Variants in GFRA1 observed in about 807,000 individuals in gnomAD.
The protein encoded by GFRA1 is GDNF family receptor alpha 1, also known as GDNF family receptor alpha-1.
In GFRA1, 16 loss-of-function variants were observed where a neutral mutation model predicts 51.6. That is an observed-to-expected ratio of 0.31 (90% CI 0.21 to 0.47). The LOEUF is 0.47. Among genes scored for constraint, GFRA1 ranks in the 20% least tolerant of loss-of-function variants. The pLI is 1.00. For missense variants in GFRA1, 530 were observed against 594.3 expected, an observed-to-expected ratio of 0.89 and a Z score of 1.13; for synonymous variants, 270 against 241.3, an observed-to-expected ratio of 1.12 and a Z score of -1.10.
intron 6 of GFRA1, among the ~76,000 whole-genome samples, chr10:116,105,789 C>T (rs1589793149): frequency 6.6e-6 from 1 of 152,112 alleles, no homozygotes; most frequent in African/African-American, 2.4e-5. Flanking sequence ...TCATGATACC[C>T]CCAAATTAAA....
At chr10:116,104,761 G>A (rs1956946331) in intron 6 of GFRA1, among the ~76,000 whole-genome samples, 1 of 152,206 alleles carries the variant, frequency 6.6e-6, no homozygotes, top group Non-Finnish European at 1.5e-5. Flanking sequence ...TGACAGAGCA[G>A]TTGACAGGGC....
intron 4 of GFRA1, among the ~76,000 whole-genome samples, chr10:116,258,609 TC>T (rs1178476784): frequency 6.6e-6 from 1 of 152,020 alleles, no homozygotes; most frequent in African/African-American, 2.4e-5. Context: ...GGGCTATTTC[TC>T]CCATGCATGT....
intron 10 of GFRA1, among the ~76,000 whole-genome samples, chr10:116,064,925 G>A (rs1388499164): frequency 1.3e-5 from 2 of 152,158 alleles, no homozygotes; most frequent in South Asian, 2.1e-4. Flanking sequence ...CTCCCTGCAT[G>A]AGCCAGTTCA....
intron 9 of GFRA1, among the ~76,000 whole-genome samples, chr10:116,073,020 T>G (rs959208201): frequency 6.6e-6 from 1 of 152,196 alleles, no homozygotes; most frequent in Non-Finnish European, 1.5e-5. Context: ...TCACGCTAAT[T>G]GGGCCTGCGA....
intron 5 of GFRA1, among the ~76,000 whole-genome samples, chr10:116,132,738 T>C (rs193148683): frequency 2.1e-3 from 323 of 152,278 alleles, no homozygotes; most frequent in Middle Eastern, 0.01. Flanking sequence ...TGATCCTCTA[T>C]ATCTATTGAA....
At chr10:116,089,036 A>G (rs1956221781) in intron 9 of GFRA1, among the ~76,000 whole-genome samples, 2 of 152,212 alleles carry the variant, frequency 1.3e-5, no homozygotes, top group South Asian at 2.1e-4. Context: ...TCAATAAAAA[A>G]GCAGGATAAA....
At chr10:116,207,615 G>T (rs995092039) in intron 5 of GFRA1, among the ~76,000 whole-genome samples, 1 of 98,460 alleles carries the variant, frequency 1.0e-5, no homozygotes, top group African/African-American at 3.3e-5. Context: ...ATATATGATT[G>T]ATATATATAT....
intron 5 of GFRA1, among the ~76,000 whole-genome samples, chr10:116,187,123 T>C (rs928007976): frequency 6.6e-6 from 1 of 152,228 alleles, no homozygotes; most frequent in Non-Finnish European, 1.5e-5. Flanking sequence ...GACAGGGTTT[T>C]AAAGGCAACA....
intron 9 of GFRA1, among the ~76,000 whole-genome samples, chr10:116,075,367 C>A (rs1490260201): frequency 6.6e-6 from 1 of 152,140 alleles, no homozygotes; most frequent in African/African-American, 2.4e-5. Flanking sequence ...GGCACAGGCT[C>A]CTCCTATGTC....
chr10:116,245,860 C>A (rs910951327), intron 4 of GFRA1, among the ~76,000 whole-genome samples: 4 of 152,148 alleles, frequency 2.6e-5, no homozygotes, highest in Non-Finnish European at 5.9e-5. Flanking sequence ...CCAACCATAT[C>A]ACATTCTGGA....
At chr10:116,109,453 T>TA (rs143863879) in intron 6 of GFRA1, among the ~76,000 whole-genome samples, 2 of 151,910 alleles carry the variant, frequency 1.3e-5, no homozygotes, top group East Asian at 1.9e-4. Flanking sequence ...CTTAAAAACA[T>TA]AAAAAAAATA....
chr10:116,173,898 T>C (rs528137961), intron 5 of GFRA1, among the ~76,000 whole-genome samples: 5 of 152,104 alleles, frequency 3.3e-5, no homozygotes, highest in East Asian at 1.9e-4. Flanking sequence ...CTGACCAACA[T>C]AGAGAAACCC....
At chr10:116,267,123 A>G (rs915817693) in intron 4 of GFRA1, among the ~76,000 whole-genome samples, 2 of 151,930 alleles carry the variant, frequency 1.3e-5, no homozygotes, top group African/African-American at 2.4e-5. Flanking sequence ...CCTAGGCGAC[A>G]GATCAAGACC....
intron 5 of GFRA1, among the ~76,000 whole-genome samples, chr10:116,200,616 A>G (rs1354010648): frequency 1.3e-5 from 2 of 152,200 alleles, no homozygotes; most frequent in African/African-American, 2.4e-5. Flanking sequence ...CCTGGTGCCA[A>G]CGGGGTGGGG....
intron 4 of GFRA1, among the ~76,000 whole-genome samples, chr10:116,241,792 ATCACTAAAT>A (rs1967402631): frequency 6.6e-6 from 1 of 152,220 alleles, no homozygotes; most frequent in Admixed American, 6.5e-5. Flanking sequence ...AGCTAGAAAT[ATCACTAAAT>A]GCAGAAGGAA....
At chr10:116,100,725 C>T (rs144458005) in intron 6 of GFRA1, among the ~76,000 whole-genome samples, 267 of 152,302 alleles carry the variant, frequency 1.8e-3, no homozygotes, top group South Asian at 0.01. Context: ...TGTGCCCTCA[C>T]TGTTCCAGCA....
intron 6 of GFRA1, among the ~76,000 whole-genome samples, chr10:116,123,658 T>C (rs1957736877): frequency 6.6e-6 from 1 of 152,180 alleles, no homozygotes; most frequent in Admixed American, 6.5e-5. Flanking sequence ...CATAAACCCA[T>C]CTGCTTGTCC....
rs1456950682 is a variant in GFRA1 at position 116,063,234 on chromosome 10, G to A, written c.*1164C>T. 2.0e-5 allele frequency: 3 copies of A among 152,202 alleles called. No individual in the cohort carries two copies. Among genetic ancestry groups the A allele is most frequent in the Admixed American group, 2.0e-4 (3 of 15,276 alleles). 9.4% of individuals were successfully genotyped at this position (152,202 alleles called of 1,614,324 possible). ...GACAAGTGTGTCAAGAGATGCTGCA[G>A]AACATTTACAAGCAGCCACCAGTTC... On this transcript the variant is annotated 3_prime_UTR_variant, in exon 11 of 11. Coordinates refer to ENST00000355422, the MANE Select transcript of GFRA1 (RefSeq NM_005264.8).
chr10:116,173,450 C>G (rs192541137), intron 5 of GFRA1, among the ~76,000 whole-genome samples: 1 of 152,290 alleles, frequency 6.6e-6, no homozygotes, highest in South Asian at 2.1e-4. Context: ...CAACATGCCC[C>G]CTTCTAATTT....
Sources: allele counts gnomAD v4.1 joint callset (sites outside exome capture counted in the v4.1 genomes callset), GRCh38; gene constraint gnomAD v4.1.1; transcripts MANE v1.5; gene names NCBI Gene and HGNC (gene_info 2026-07-23, HGNC 2026-07-21).